Variants in KIF13A observed in about 807,000 individuals in gnomAD.
The protein encoded by KIF13A is kinesin family member 13A, also known as kinesin-like protein KIF13A.
In KIF13A, 79 loss-of-function variants were observed where a neutral mutation model predicts 212.2. The observed-to-expected ratio is 0.37, with a 90% CI of 0.31 to 0.45. The LOEUF is 0.45. Among genes scored for constraint, KIF13A ranks in the 20% least tolerant of loss-of-function variants. KIF13A has a pLI of 1.00. For missense variants in KIF13A, 1,901 were observed against 2,209.0 expected (o/e 0.86, Z 2.79); for synonymous variants, 789 against 808.6 (o/e 0.98, Z 0.41).
chr6:17,871,839 G>A lies in KIF13A; in HGVS notation c.220+1538C>T, dbSNP rs187400115. Among the ~76,000 whole-genome samples, 50 of 152,260 alleles carry A rather than the reference G, an allele frequency of 3.3e-4. No homozygotes were observed. The highest frequency in any genetic ancestry group is 1.7e-3 in the Admixed American group (26 of 15,290). ...ATCTTGAGTAACATAAATTGAACAC[G>A]GTTAATGACGGGTTTGTATAACCAT... On this transcript the variant is annotated intron_variant, in intron 4 of 38. Transcript: ENST00000259711. The surrounding 1 kb of genome is among the most constrained non-coding windows in gnomAD (Gnocchi z 4.4).
In KIF13A at chr6:17,833,393, G is replaced by T. The variant is rs1024989742; in HGVS notation, c.1266+568C>A. On this transcript the variant is annotated intron_variant, in intron 12 of 38. Transcript: ENST00000259711. ...GCCTGTGGTCCCAGCTACTTGGGGG[G>T]ACTGAGGGAGGAGAATCACTTGAGC... 6.6e-5 allele frequency among the ~76,000 whole-genome samples: 10 copies of T among 151,690 alleles called. No individual in the cohort carries two copies. In the East Asian group the frequency reaches 1.6e-3, roughly 24 times the overall value.
chr6:17,783,818 C>T lies in KIF13A; in HGVS notation c.3489-117G>A. ...AACCATGGTGGAGATGCAGTTTCCA[C>T]TAATGAAATACTTTCATATTTCTTG... is the stretch of plus-strand genomic sequence containing the variant. On this transcript the variant is annotated intron_variant, in intron 28 of 38. Transcript: ENST00000259711. This position sits in a 1 kb window ranked among gnomAD's most constrained non-coding sequence, Gnocchi z 4.3. 1.4e-6 allele frequency: 1 copy of T among 701,160 alleles called. No homozygotes were observed. Among genetic ancestry groups the T allele is most frequent in the South Asian group, 1.6e-5 (1 of 63,266 alleles). The allele number at this position is 701,160 out of a possible 1,614,324, so 43.4% of individuals were successfully genotyped here. A position where few individuals can be genotyped will look rare whatever the true frequency, so the allele number is the denominator to read the frequency against.
At chr6:17,798,053 G>A (rs1762192117) in intron 22 of KIF13A, among the ~76,000 whole-genome samples, 1 of 152,186 alleles carries the variant, frequency 6.6e-6, no homozygotes, top group Non-Finnish European at 1.5e-5. Flanking sequence ...TGAAGACATT[G>A]CTTGTGACTC....
At position 17,785,832 on chromosome 6, in the gene KIF13A, A is replaced by T. The variant is rs1056877846; in HGVS notation, c.3362-191T>A. Among the ~76,000 whole-genome samples the T allele has an allele frequency of 4.6e-5, 7 of 152,034 alleles. No homozygotes were observed. The highest frequency in any genetic ancestry group is 8.8e-5 in the Non-Finnish European group (6 of 67,994). ...CTCAGGCAGCTGAGGTGGGAAGATCACTTGAGCCTGGGAGTTCAAGGCTAC... is the reference window on the plus strand; with the variant it reads ...CTCAGGCAGCTGAGGTGGGAAGATCTCTTGAGCCTGGGAGTTCAAGGCTAC... On this transcript the variant is annotated intron_variant, in intron 27 of 38. Coordinates refer to ENST00000259711, the MANE Select transcript of KIF13A (RefSeq NM_022113.6). The surrounding 1 kb of genome is among the most constrained non-coding windows in gnomAD (Gnocchi z 5.8).
Position 17,787,730 on chromosome 6 carries a change from A to G in KIF13A, c.3361+46T>C. ...AGAAAACGACCTACTGCCATTGTGT[A>G]AAAGTGAAAAAGCTACTCCCCATAA... On this transcript the variant is annotated intron_variant, in intron 27 of 38. Transcript: ENST00000259711. This position sits in a 1 kb window ranked among gnomAD's most constrained non-coding sequence, Gnocchi z 4.6. The G allele has an allele frequency of 9.0e-7, 1 of 1,107,322 alleles. No individual in the cohort carries two copies. The allele number at this position is 1,107,322 out of a possible 1,614,324, so 68.6% of individuals were successfully genotyped here.
In KIF13A at chr6:17,843,792, T is replaced by A. The variant is rs1766747982; in HGVS notation, c.830+5585A>T. On this transcript the variant is annotated intron_variant, in intron 9 of 38. Coordinates refer to ENST00000259711, the MANE Select transcript of KIF13A (RefSeq NM_022113.6). The surrounding 1 kb of genome is among the most constrained non-coding windows in gnomAD (Gnocchi z 5.3). ...TGGGCACAGTGGCTCACGCCTGTAA[T>A]CCACCACTTTTGGAGGCCGAGGGGG... Among the ~76,000 whole-genome samples the A allele has an allele frequency of 6.6e-6, 1 of 152,142 alleles. No individual in the cohort carries two copies. Among genetic ancestry groups the A allele is most frequent in the Non-Finnish European group, 1.5e-5 (1 of 68,008 alleles).
In KIF13A at chr6:17,837,503, T is replaced by A. The variant is rs200179034; in HGVS notation, c.911A>T (p.Tyr304Phe). 8.1e-4 allele frequency: 1,305 copies of A among 1,607,932 alleles called. No homozygotes were observed. The highest frequency in any genetic ancestry group is 9.1e-4 in the Non-Finnish European group (1,067 of 1,176,980). ...CAGCCAAGTGAGGACTGAATCTCGATAAGGCACAAATTTGCTTTTACCCTT... is the reference window on the plus strand; with the variant it reads ...CAGCCAAGTGAGGACTGAATCTCGAAAAGGCACAAATTTGCTTTTACCCTT... Reference protein sequence around the residue: ...AGKGKSKFVPYRDSVLTWLLK... With the variant: ...AGKGKSKFVPFRDSVLTWLLK... The change falls in exon 10 of 39, where the codon TAT (tyrosine) becomes TTT (phenylalanine). Residue 304 changes from tyrosine (Y) to phenylalanine (F), a missense_variant. Coordinates refer to ENST00000259711, the MANE Select transcript of KIF13A (RefSeq NM_022113.6). The surrounding 1 kb of genome is among the most constrained non-coding windows in gnomAD (Gnocchi z 5.4).
At chr6:17,890,567 C>T (rs1436349425) in intron 3 of KIF13A, among the ~76,000 whole-genome samples, 1 of 151,792 alleles carries the variant, frequency 6.6e-6, no homozygotes, top group Non-Finnish European at 1.5e-5. Context: ...CCACCTCCTG[C>T]CAAAATCCAA....
At position 17,773,660 on chromosome 6, in the gene KIF13A, C is replaced by T; in HGVS notation, c.4219-77G>A. On this transcript the variant is annotated intron_variant, in intron 35 of 38. Transcript: ENST00000259711. This position sits in a 1 kb window ranked among gnomAD's most constrained non-coding sequence, Gnocchi z 4.2. Reference sequence around the variant, plus strand: ...AATAAAGCCCAGGTTGGAGTTTCTTCTGTTTTTTTTTAATGGCAGCATATG... The same window carrying T: ...AATAAAGCCCAGGTTGGAGTTTCTTTTGTTTTTTTTTAATGGCAGCATATG... The T allele has an allele frequency of 2.7e-6, 2 of 750,002 alleles. No individual in the cohort carries two copies. Among genetic ancestry groups the T allele is most frequent in the African/African-American group, 1.8e-5 (1 of 56,596 alleles). The allele number at this position is 750,002 out of a possible 1,614,324, so 46.5% of individuals were successfully genotyped here.
intron 2 of KIF13A, among the ~76,000 whole-genome samples, chr6:17,938,929 A>G (rs1173606360): frequency 6.6e-6 from 1 of 151,940 alleles, no homozygotes; most frequent in Non-Finnish European, 1.5e-5. Context: ...TAGCCAACCA[A>G]TCTCATGAAA....
chr6:17,773,391 A>C lies in KIF13A; in HGVS notation c.4324+87T>G. 1 of 713,810 alleles carries C rather than the reference A, an allele frequency of 1.4e-6. No homozygotes were observed. The highest frequency in any genetic ancestry group is 1.8e-5 in the South Asian group (1 of 56,632). The allele number at this position is 713,810 out of a possible 1,614,324, so 44.2% of individuals were successfully genotyped here. ...AACTAGAATATCAGCTTCATATCTTATTATATGCCATTAATGAAAGACATT... is the reference window on the plus strand; with the variant it reads ...AACTAGAATATCAGCTTCATATCTTCTTATATGCCATTAATGAAAGACATT... On this transcript the variant is annotated intron_variant, in intron 36 of 38. Transcript: ENST00000259711. This position sits in a 1 kb window ranked among gnomAD's most constrained non-coding sequence, Gnocchi z 4.2.
Position 17,799,194 on chromosome 6 carries a change from G to A in KIF13A, c.2790+72C>T, listed in dbSNP as rs113377321. 3.0e-4 allele frequency: 311 copies of A among 1,038,196 alleles called. 4 individuals carry two copies. The African/African-American group carries it at 4.3e-3, about 14-fold the overall frequency. 64.3% of individuals were successfully genotyped at this position (1,038,196 alleles called of 1,614,324 possible). ...TTATACTTAAAACAAATGCTTGTGGGGACAACTGATTGTTGAACTGCACCA... is the reference window on the plus strand; with the variant it reads ...TTATACTTAAAACAAATGCTTGTGGAGACAACTGATTGTTGAACTGCACCA... On this transcript the variant is annotated intron_variant, in intron 22 of 38. Coordinates refer to ENST00000259711, the MANE Select transcript of KIF13A (RefSeq NM_022113.6). This position sits in a 1 kb window ranked among gnomAD's most constrained non-coding sequence, Gnocchi z 4.4.
intron 17 of KIF13A, among the ~76,000 whole-genome samples, chr6:17,812,852 C>CT (rs1288256335): frequency 6.6e-6 from 1 of 152,132 alleles, no homozygotes; most frequent in Non-Finnish European, 1.5e-5. Flanking sequence ...TATTTTTTGA[C>CT]TTTTTAATAA....
rs1274012583 is a variant in KIF13A at position 17,872,483 on chromosome 6, G to A, written c.220+894C>T. Among the ~76,000 whole-genome samples the A allele has an allele frequency of 6.6e-6, 1 of 152,090 alleles. No homozygotes were observed. Among genetic ancestry groups the A allele is most frequent in the Non-Finnish European group, 1.5e-5 (1 of 68,020 alleles). ...ACTGTATTCCTGAAAATTGCTAACT[G>A]AGTAGACTTTAAGTGTTCTTACCAC... is the stretch of plus-strand genomic sequence containing the variant. On this transcript the variant is annotated intron_variant, in intron 4 of 38. Transcript: ENST00000259711. This position sits in a 1 kb window ranked among gnomAD's most constrained non-coding sequence, Gnocchi z 4.7.
intron 2 of KIF13A, among the ~76,000 whole-genome samples, chr6:17,916,668 C>T (rs1774540865): frequency 6.6e-6 from 1 of 152,196 alleles, no homozygotes; most frequent in South Asian, 2.1e-4. Context: ...CAGAATAACA[C>T]AGTCTCCTCA....
At chr6:17,972,110 A>G (rs1184271564) in intron 2 of KIF13A, among the ~76,000 whole-genome samples, 3 of 152,178 alleles carry the variant, frequency 2.0e-5, no homozygotes, top group Non-Finnish European at 4.4e-5. Context: ...TTGTACTGTA[A>G]CTCTTTGTAA....
At position 17,787,678 on chromosome 6, in the gene KIF13A, A is replaced by G. The variant is rs1399263750; in HGVS notation, c.3361+98T>C. ...AACAACAACAACAACAACAACAAAAATAAGATACTACTGTCCAGTTAGGGG... is the reference window on the plus strand; with the variant it reads ...AACAACAACAACAACAACAACAAAAGTAAGATACTACTGTCCAGTTAGGGG... On this transcript the variant is annotated intron_variant, in intron 27 of 38. Coordinates refer to ENST00000259711, the MANE Select transcript of KIF13A (RefSeq NM_022113.6). This position sits in a 1 kb window ranked among gnomAD's most constrained non-coding sequence, Gnocchi z 4.6. 4.1e-6 allele frequency: 3 copies of G among 729,476 alleles called. No individual in the cohort carries two copies. Among genetic ancestry groups the G allele is most frequent in the African/African-American group, 1.8e-5 (1 of 56,840 alleles). 45.2% of individuals were successfully genotyped at this position (729,476 alleles called of 1,614,324 possible).
chr6:17,921,391 G>C (rs1983573), intron 2 of KIF13A, among the ~76,000 whole-genome samples: 141,821 of 152,334 alleles, frequency 0.93, 66,113 homozygotes, highest in East Asian at 1. Flanking sequence ...CAGAAAAATA[G>C]ACTCACAGTC....
At chr6:17,805,992 G>GC (rs1762913806) in intron 18 of KIF13A, among the ~76,000 whole-genome samples, 1 of 149,564 alleles carries the variant, frequency 6.7e-6, no homozygotes, top group Non-Finnish European at 1.5e-5. Context: ...TGATCTTAGT[G>GC]CACTGCAGCC....
Sources: gnomAD v4.1 joint callset for allele counts (sites outside exome capture counted in the v4.1 genomes callset) on GRCh38, gnomAD v4.1.1 for gene constraint, Gnocchi (gnomAD v3.1) non-coding constraint, MANE v1.5 for transcripts, NCBI Gene and HGNC (gene_info 2026-07-23, HGNC 2026-07-21) for gene names.